The following WDR17 variants were observed in gnomAD, a reference collection of about 807,000 sequenced individuals.
WDR17 encodes the protein WD repeat domain 17.
In WDR17, 143 loss-of-function variants were observed where a neutral mutation model predicts 161.7. That is an observed-to-expected ratio of 0.88 (90% confidence interval 0.77 to 1.02). WDR17 has a LOEUF of 1.02. WDR17 is among the 50% of genes least tolerant of loss of function. The pLI, the probability that WDR17 is intolerant of heterozygous loss-of-function variation, is 0.00. For missense variants in WDR17, 1,469 were observed against 1,520.9 expected, an observed-to-expected ratio of 0.97 and a Z score of 0.57; for synonymous variants, 517 against 515.6, an observed-to-expected ratio of 1.00 and a Z score of -0.04.
At chr4:176,179,084 AG>A (rs1751869662) in intron 28 of WDR17, among the ~76,000 whole-genome samples, 1 of 152,222 alleles carries the variant, frequency 6.6e-6, no homozygotes, top group African/African-American at 2.4e-5. Flanking sequence ...AGGCTACATG[AG>A]TAAAATAGTG....
At position 176,131,722 on chromosome 4, in the gene WDR17, A is replaced by G; in HGVS notation, c.1082A>G (p.Asp361Gly). ...TATGATATGGGAGCTAAGAAGTGGG[A>G]TTTTCTTAGAGACTTGGTATGTATG... The part of the protein sequence containing the change: ...GLYDMGAKKW[D>G]FLRDLGHVET... The change falls in exon 7 of 29, where the codon GAT becomes GGT. Residue 361 changes from aspartate (D) to glycine (G), a missense_variant. Coordinates refer to ENST00000508596, the MANE Select transcript of WDR17 (RefSeq NM_181265.4). The G allele has an allele frequency of 6.2e-7, 1 of 1,610,614 alleles. No homozygotes were observed. The highest frequency in any genetic ancestry group is 8.5e-7 in the Non-Finnish European group (1 of 1,178,632).
At chr4:176,168,913 A>G in intron 23 of WDR17, 130 bp downstream of exon 23, 1 of 982,722 alleles carries the variant, frequency 1.0e-6, no homozygotes, top group Non-Finnish European at 1.5e-6. Flanking sequence ...TACAAGTACA[A>G]CAAAAGTGTT....
chr4:176,156,012 G>A, intron 17 of WDR17, 67 bp from the exon 18 acceptor site: 14 of 1,378,536 alleles, frequency 1.0e-5, no homozygotes, highest in South Asian at 7.5e-5. Flanking sequence ...TATTTTTTAA[G>A]TGTCTTAAGA....
intron 6 of WDR17, among the ~76,000 whole-genome samples, chr4:176,129,643 A>G (rs1425794444): frequency 6.6e-6 from 1 of 152,146 alleles, no homozygotes; most frequent in East Asian, 1.9e-4. Flanking sequence ...TTCTTACTCT[A>G]TCTTTATAAT....
chr4:176,131,760 T>C (rs978271665), intron 7 of WDR17, 22 bp downstream of exon 7: 6 of 1,540,328 alleles, frequency 3.9e-6, no homozygotes, highest in African/African-American at 1.4e-5. Flanking sequence ...GTCATTCCTT[T>C]ATTATACATA....
chr4:176,146,706 AT>A (rs932654374), intron 12 of WDR17, among the ~76,000 whole-genome samples: 1 of 152,188 alleles, frequency 6.6e-6, no homozygotes, highest in Non-Finnish European at 1.5e-5. Context: ...ACAGTAAGTT[AT>A]TTTGATACAA....
At chr4:176,068,497 G>A (rs985125294) in intron 1 of WDR17, 1 of 152,212 alleles carries the variant, frequency 6.6e-6, no homozygotes, top group Non-Finnish European at 1.5e-5. Context: ...CTACTTGGGA[G>A]GCTGAGGCAT....
At chr4:176,086,154 T>C (rs1735387527) in intron 1 of WDR17, among the ~76,000 whole-genome samples, 1 of 152,034 alleles carries the variant, frequency 6.6e-6, no homozygotes, top group African/African-American at 2.4e-5. Flanking sequence ...GATTTTAAAA[T>C]ATACTCTGAA....
chr4:176,143,177 C>A (rs1364511902), intron 11 of WDR17, among the ~76,000 whole-genome samples: 1 of 152,224 alleles, frequency 6.6e-6, no homozygotes, highest in South Asian at 2.1e-4. Context: ...CCACGCCCGG[C>A]CTTACACGCT....
chr4:176,111,735 A>G (rs560193329), intron 2 of WDR17, 32 bp downstream of exon 2: 4 of 1,505,560 alleles, frequency 2.7e-6, no homozygotes, highest in African/African-American at 1.4e-5. Context: ...ATTTTTAATT[A>G]TATCCGGTAA....
At chr4:176,164,348 A>C (rs533669191) in intron 22 of WDR17, among the ~76,000 whole-genome samples, 3 of 152,194 alleles carry the variant, frequency 2.0e-5, no homozygotes, top group Non-Finnish European at 4.4e-5. Context: ...AAATGCTCCA[A>C]TATCCAAAAC....
intron 1 of WDR17, among the ~76,000 whole-genome samples, chr4:176,075,557 T>C (rs1174119595): frequency 6.6e-6 from 1 of 152,222 alleles, no homozygotes; most frequent in Non-Finnish European, 1.5e-5. Flanking sequence ...ATATTTGAGC[T>C]TTGTTTTGAT....
At chr4:176,105,765 T>C (rs1738614907) in intron 1 of WDR17, among the ~76,000 whole-genome samples, 2 of 152,210 alleles carry the variant, frequency 1.3e-5, no homozygotes, top group African/African-American at 4.8e-5. Flanking sequence ...AAAGCATTTA[T>C]AGGATCTCAA....
intron 3 of WDR17, among the ~76,000 whole-genome samples, chr4:176,117,345 A>G (rs1251972160): frequency 6.6e-6 from 1 of 152,010 alleles, no homozygotes; most frequent in Non-Finnish European, 1.5e-5. Flanking sequence ...CTTTAAATCC[A>G]GCTTTGTGTG....
At chr4:176,122,301 A>G (rs750444618) in intron 4 of WDR17, among the ~76,000 whole-genome samples, 1 of 152,202 alleles carries the variant, frequency 6.6e-6, no homozygotes, top group African/African-American at 2.4e-5. Context: ...TAAGGGCCTC[A>G]TCTTAGTTTG....
intron 7 of WDR17, among the ~76,000 whole-genome samples, chr4:176,132,171 GA>G (rs1743572277): frequency 6.6e-6 from 1 of 151,322 alleles, no homozygotes; most frequent in Non-Finnish European, 1.5e-5. Flanking sequence ...GTGATTCTAT[GA>G]ATTCTGTTTT....
chr4:176,159,346 G>C (rs2126843636), intron 18 of WDR17, among the ~76,000 whole-genome samples: 1 of 151,488 alleles, frequency 6.6e-6, no homozygotes, highest in South Asian at 2.1e-4. Flanking sequence ...AAGGGAGAGA[G>C]AGAGAAATGG....
rs1043191882 is a variant in WDR17, at chr4:176,136,392, T to A, written c.1267+1116T>A. Among the ~76,000 whole-genome samples the A allele has an allele frequency of 2.0e-5, 3 of 151,612 alleles. No homozygotes were observed. The East Asian group carries it at 5.8e-4, about 29-fold the overall frequency. Reference sequence around the variant, plus strand: ...GCTCATATTAGTTGAATACTCTTCATCCTACAAAAGTATTTGTCTGAAACA... The same window carrying A: ...GCTCATATTAGTTGAATACTCTTCAACCTACAAAAGTATTTGTCTGAAACA... On this transcript the variant is annotated intron_variant, in intron 8 of 28. Coordinates refer to ENST00000508596, the MANE Select transcript of WDR17 (RefSeq NM_181265.4).
chr4:176,073,125 T>C (rs1440265643), intron 1 of WDR17, among the ~76,000 whole-genome samples: 1 of 152,126 alleles, frequency 6.6e-6, no homozygotes, highest in African/African-American at 2.4e-5. Flanking sequence ...TTATTATACT[T>C]TAAGTTTTAG....
Sources: gnomAD v4.1 joint callset for allele counts (sites outside exome capture counted in the v4.1 genomes callset) on GRCh38, gnomAD v4.1.1 for gene constraint, MANE v1.5 for transcripts, NCBI Gene and HGNC (gene_info 2026-07-23, HGNC 2026-07-21) for gene names.